Variants in CERS5 observed in about 807,000 individuals in gnomAD.
CERS5 encodes LAG1 homolog, ceramide synthase 5.
CERS5 carries 37 observed loss-of-function variants against 58.9 expected under a neutral mutation model. The ratio of observed to expected loss-of-function variants is 0.63; its 90% CI spans 0.48 to 0.83. The LOEUF (loss-of-function observed/expected upper bound fraction) is 0.83. CERS5 is among the 40% of genes least tolerant of loss of function. CERS5 has a pLI of 0.00. For missense variants in CERS5, 398 were observed against 489.3 expected (o/e 0.81, Z 1.76); for synonymous variants, 147 against 177.8 (o/e 0.83, Z 1.38).
chr12:50,161,111 C>G (rs1439517450), intron 1 of CERS5, among the ~76,000 whole-genome samples: 4 of 152,220 alleles, frequency 2.6e-5, no homozygotes, highest in African/African-American at 7.2e-5. Context: ...CACTGAGGCA[C>G]TGTGCAAGAG....
In CERS5 at chr12:50,161,976, G is replaced by A. The variant is rs192396806; in HGVS notation, c.197+5125C>T. On this transcript the variant is annotated intron_variant, in intron 1 of 9. Transcript: ENST00000317551. ...CGCAACCTCTGCCTCCTAGGTTCAAGCGATTCTCCTGCCTCAGCCTCCCAA... is the reference window on the plus strand; with the variant it reads ...CGCAACCTCTGCCTCCTAGGTTCAAACGATTCTCCTGCCTCAGCCTCCCAA... Among the ~76,000 whole-genome samples the A allele has an allele frequency of 7.2e-3, 1,016 of 140,508 alleles. 7 individuals carry two copies. The highest frequency in any genetic ancestry group is 0.025 in the African/African-American group (982 of 38,570). The allele number at this position is 140,508 out of a possible 152,430, so 92.2% of individuals were successfully genotyped here. A position where few individuals can be genotyped will look rare whatever the true frequency, so the allele number is the denominator to read the frequency against.
intron 9 of CERS5, among the ~76,000 whole-genome samples, chr12:50,132,122 G>A (rs1951361471): frequency 6.9e-6 from 1 of 144,630 alleles, no homozygotes; most frequent in African/African-American, 2.6e-5. Flanking sequence ...AAAAAGGGCC[G>A]AGCATGGTGG....
intron 1 of CERS5, among the ~76,000 whole-genome samples, chr12:50,147,105 T>C (rs1952324047): frequency 1.3e-5 from 2 of 151,896 alleles, no homozygotes; most frequent in East Asian, 1.9e-4. Context: ...TGGTATAACT[T>C]ATAAAACAGG....
chr12:50,136,087 T>C lies in CERS5; in HGVS notation c.637-18A>G, dbSNP rs1951682884. On this transcript the variant is annotated intron_variant, in intron 6 of 9. Coordinates refer to ENST00000317551, the MANE Select transcript of CERS5 (RefSeq NM_147190.5). ...AGGAAGTCCTAGGAAGGAATGGAAA[T>C]AGAAGAGGGAGGTAAAAGCTGGGCC... 1.4e-6 allele frequency: 2 copies of C among 1,473,806 alleles called. No homozygotes were observed. Among genetic ancestry groups the C allele is most frequent in the African/African-American group, 2.9e-5 (2 of 70,172 alleles). 91.3% of individuals were successfully genotyped at this position (1,473,806 alleles called of 1,614,324 possible).
chr12:50,146,863 AAAG>A (rs1485724637), intron 1 of CERS5, among the ~76,000 whole-genome samples: 8 of 151,788 alleles, frequency 5.3e-5, no homozygotes, highest in Non-Finnish European at 7.4e-5. Context: ...AAAAAAAAAA[AAAG>A]AACATTTGAC....
At position 50,135,974 on chromosome 12, in the gene CERS5, C is replaced by T. The variant is rs765883759; in HGVS notation, c.732G>A (p.Met244Ile). 7.2e-6 allele frequency: 11 copies of T among 1,529,032 alleles called. No homozygotes were observed. Among genetic ancestry groups the T allele is most frequent in the Non-Finnish European group, 9.6e-6 (11 of 1,142,928 alleles). The allele number at this position is 1,529,032 out of a possible 1,614,324, so 94.7% of individuals were successfully genotyped here. ...AGAAGTCTGAGACATCATGTAGACA[C>T]ATGATCAGAGTTCCCACTCGAACCA... ...NNMVRVGTLI[M>I]CLHDVSDFLL... Residue 244 changes from methionine (M) to isoleucine (I), a missense_variant, in exon 7 of 10, where the codon ATG becomes ATA. Transcript: ENST00000317551.
At chr12:50,132,949 C>CAGAT in intron 9 of CERS5, 2 of 1,288,970 alleles carry the variant, frequency 1.6e-6, no homozygotes, top group Non-Finnish European at 2.0e-6. Context: ...ACTAGAAGCA[C>CAGAT]AGATACACTT....
chr12:50,167,193 C>A lies in CERS5; in HGVS notation c.105G>T (p.Pro35=). The stretch of plus-strand genomic sequence containing the variant: ...CGCGGGGGTAACCGTAGCCGTCGGC[C>A]GGCCCCTCCAGATCAGCCCAGCTCA... ...ENVSWADLEG[P]ADGYGYPRGR... Residue 35 remains proline, a synonymous_variant, in exon 1 of 10, where the codon CCG becomes CCT. Coordinates refer to ENST00000317551, the MANE Select transcript of CERS5 (RefSeq NM_147190.5). 6.2e-7 allele frequency: 1 copy of A among 1,605,672 alleles called. No homozygotes were observed. Among genetic ancestry groups the A allele is most frequent in the African/African-American group, 1.4e-5 (1 of 73,834 alleles).
intron 4 of CERS5, among the ~76,000 whole-genome samples, chr12:50,139,649 T>G (rs1951860524): frequency 6.6e-6 from 1 of 151,936 alleles, no homozygotes; most frequent in Non-Finnish European, 1.5e-5. Flanking sequence ...AAAAATTAGC[T>G]GGGCCTGGTG....
Position 50,130,279 on chromosome 12 carries a change from C to T in CERS5, c.*266G>A, listed in dbSNP as rs750545508. 88 of 302,648 alleles carry T rather than the reference C, an allele frequency of 2.9e-4. No homozygotes were observed. Among genetic ancestry groups the T allele is most frequent in the East Asian group, 5.6e-5 (1 of 17,918 alleles). 18.7% of individuals were successfully genotyped at this position (302,648 alleles called of 1,614,324 possible). On this transcript the variant is annotated 3_prime_UTR_variant, in exon 10 of 10. Coordinates refer to ENST00000317551, the MANE Select transcript of CERS5 (RefSeq NM_147190.5). ...CCAGTCCACAATTGTGCCCCAACCC[C>T]GGCAATGAAACTCACGCATATGCAC...
At chr12:50,159,656 C>G (rs1027669088) in intron 1 of CERS5, among the ~76,000 whole-genome samples, 1 of 151,976 alleles carries the variant, frequency 6.6e-6, no homozygotes, top group African/African-American at 2.4e-5. Flanking sequence ...TGCAATGGTG[C>G]GATCTTGGCT....
chr12:50,150,179 G>A, intron 1 of CERS5, among the ~76,000 whole-genome samples: 1 of 152,162 alleles, frequency 6.6e-6, no homozygotes, highest in East Asian at 1.9e-4. Flanking sequence ...GGGCAACATG[G>A]TGAGACCCCG....
At chr12:50,138,405 GA>G (rs3832812) in intron 5 of CERS5, among the ~76,000 whole-genome samples, 161 bp downstream of exon 5, 32 of 147,092 alleles carry the variant, frequency 2.2e-4, no homozygotes, top group Non-Finnish European at 2.5e-4. Context: ...CAGTGGGGGG[GA>G]AAAAAAAATA....
chr12:50,157,711 A>T (rs1454614836), intron 1 of CERS5, among the ~76,000 whole-genome samples: 2 of 152,166 alleles, frequency 1.3e-5, no homozygotes, highest in Non-Finnish European at 2.9e-5. Flanking sequence ...GGAAAAAAGA[A>T]ATTGTCCAAA....
intron 9 of CERS5, among the ~76,000 whole-genome samples, chr12:50,131,211 A>T (rs1011720645): frequency 1.3e-5 from 2 of 152,050 alleles, no homozygotes; most frequent in African/African-American, 4.8e-5. Flanking sequence ...ATCCTATGAC[A>T]CTGTTTTCCA....
intron 1 of CERS5, among the ~76,000 whole-genome samples, chr12:50,158,915 A>G (rs996077052): frequency 6.6e-6 from 1 of 152,202 alleles, no homozygotes; most frequent in African/African-American, 2.4e-5. Context: ...GCAGTTCTGC[A>G]TGGACATTTA....
At chr12:50,153,946 C>T (rs1462922001) in intron 1 of CERS5, 4 of 351,480 alleles carry the variant, frequency 1.1e-5, no homozygotes, top group Admixed American at 1.1e-4. Context: ...AAGAGCAAAA[C>T]ACCACCTCAA....
At chr12:50,154,845 T>A (rs986062712) in intron 1 of CERS5, among the ~76,000 whole-genome samples, 1 of 152,096 alleles carries the variant, frequency 6.6e-6, no homozygotes, top group Non-Finnish European at 1.5e-5. Flanking sequence ...TTATTTTTAA[T>A]GAATTAATAA....
chr12:50,143,726 G>T (rs1201523895), intron 2 of CERS5: 9 of 464,086 alleles, frequency 1.9e-5, no homozygotes, highest in Admixed American at 3.4e-5. Context: ...AAGGGTGGCT[G>T]CTGGGCCTAA....
Sources: gnomAD v4.1 joint callset for allele counts (sites outside exome capture counted in the v4.1 genomes callset) on GRCh38, gnomAD v4.1.1 for gene constraint, MANE v1.5 for transcripts, NCBI Gene and HGNC (gene_info 2026-07-23, HGNC 2026-07-21) for gene names.